SI: variants seen among roughly 807,000 people sequenced by gnomAD.
SI encodes sucrase-isomaltase, intestinal.
In SI, 235 loss-of-function variants were observed where a neutral mutation model predicts 253.3. The observed-to-expected ratio is 0.93, with a 90% CI of 0.83 to 1.03. SI has a LOEUF of 1.03. SI is among the 50% of genes least tolerant of loss of function. The pLI, the probability that SI is intolerant of heterozygous loss-of-function variation, is 0.00. For synonymous variants in SI, 819 were observed against 712.0 expected (o/e 1.15, Z -2.39); for missense variants, 2,442 against 2,211.1 (o/e 1.10, Z -2.09).
At chr3:165,086,794 G>T in the SI span, among the ~76,000 whole-genome samples, 8 of 152,304 alleles carry the variant, frequency 5.3e-5, no homozygotes, top group East Asian at 1.5e-3. Flanking sequence ...AGTGAGTAAG[G>T]AGTATGCCAC....
At chr3:165,073,144 A>G (rs1293110059) in intron 3 of SI, among the ~76,000 whole-genome samples, 1 of 151,556 alleles carries the variant, frequency 6.6e-6, no homozygotes, top group African/African-American at 2.4e-5. Flanking sequence ...TGTTCCTAAT[A>G]GAATTCTATG....
chr3:165,062,219 AC>A (rs2108253503), intron 9 of SI, 151 bp downstream of exon 9: 1 of 599,546 alleles, frequency 1.7e-6, no homozygotes, highest in East Asian at 2.9e-5. Flanking sequence ...GAAAAAAAAA[AC>A]ACCCAGCTGC....
chr3:165,059,151 G>C lies in SI; in HGVS notation c.1278+17C>G. On this transcript the variant is annotated intron_variant, in intron 11 of 47. Coordinates refer to ENST00000264382, the MANE Select transcript of SI (RefSeq NM_001041.4). ...GTGTAAACACTAAAAATGTATTAAG[G>C]TATAATTGATTATTACCAAGATGAT... 1 of 1,611,850 alleles carries C rather than the reference G, an allele frequency of 6.2e-7. No homozygotes were observed. The highest frequency in any genetic ancestry group is 8.5e-7 in the Non-Finnish European group (1 of 1,178,794).
At chr3:165,082,402 G>A (rs1366261010), upstream of SI, among the ~76,000 whole-genome samples, 1 of 151,870 alleles carries the variant, frequency 6.6e-6, no homozygotes, top group African/African-American at 2.4e-5. Flanking sequence ...TTTCTCTAAA[G>A]TAAAACCACC....
At chr3:164,985,045 A>AT (rs1717372307) in intron 45 of SI, among the ~76,000 whole-genome samples, 2 of 152,240 alleles carry the variant, frequency 1.3e-5, no homozygotes, top group Admixed American at 6.5e-5. Context: ...GCAAAAAACA[A>AT]TTTTTTATAC....
chr3:165,039,700 G>T (rs113651533), intron 19 of SI, among the ~76,000 whole-genome samples, 187 bp downstream of exon 19: 24 of 151,888 alleles, frequency 1.6e-4, no homozygotes, highest in Admixed American at 3.9e-4. Flanking sequence ...CACATATTTG[G>T]TAAGCAATCT....
In SI at chr3:165,034,881, A is replaced by C. The variant is rs115928884; in HGVS notation, c.2516-1437T>G. ...TTACTCTACCTGCTGGATTGTAATAAAATTTTAAAAGGGGTTAAAAAGAGC... is the reference window on the plus strand; with the variant it reads ...TTACTCTACCTGCTGGATTGTAATACAATTTTAAAAGGGGTTAAAAAGAGC... On this transcript the variant is annotated intron_variant, in intron 22 of 47. Coordinates refer to ENST00000264382, the MANE Select transcript of SI (RefSeq NM_001041.4). 4.5e-3 allele frequency among the ~76,000 whole-genome samples: 689 copies of C among 152,160 alleles called. 6 individuals carry two copies. Among genetic ancestry groups the C allele is most frequent in the African/African-American group, 0.015 (633 of 41,562 alleles).
chr3:165,072,389 T>G (rs1037211492), intron 3 of SI, among the ~76,000 whole-genome samples: 2 of 151,946 alleles, frequency 1.3e-5, no homozygotes, highest in African/African-American at 4.8e-5. Flanking sequence ...ATGAAAAGTA[T>G]TATTAAAGAT....
chr3:164,986,730 GA>G (rs1452862882), intron 45 of SI, among the ~76,000 whole-genome samples: 70 of 152,260 alleles, frequency 4.6e-4, no homozygotes, highest in African/African-American at 1.6e-3. Context: ...GATAAATGAG[GA>G]AAAGTGTCAC....
At chr3:165,015,769 C>A (rs1008082787) in intron 32 of SI, among the ~76,000 whole-genome samples, 183 bp downstream of exon 32, 2 of 151,954 alleles carry the variant, frequency 1.3e-5, no homozygotes, top group Non-Finnish European at 2.9e-5. Context: ...TACCTAAATA[C>A]AAAGGTAGCT....
At position 165,068,214 on chromosome 3, in the gene SI, A is replaced by G. The variant is rs112848625; in HGVS notation, c.483+508T>C. Among the ~76,000 whole-genome samples, 376 of 152,286 alleles carry G rather than the reference A, an allele frequency of 2.5e-3. 1 individual carries two copies. Among genetic ancestry groups the G allele is most frequent in the South Asian group, 8.1e-3 (39 of 4,830 alleles). On this transcript the variant is annotated intron_variant, in intron 5 of 47. Coordinates refer to ENST00000264382, the MANE Select transcript of SI (RefSeq NM_001041.4). ...TAGTTTAAATAATAAAAATTTTCAA[A>G]TGTTTCTTGAGAATGTTTATTTTCT...
the SI span, among the ~76,000 whole-genome samples, chr3:165,089,709 G>A: frequency 6.6e-6 from 1 of 152,074 alleles, no homozygotes. Context: ...ATGAGGCTGG[G>A]ACTGTGGTCT....
intron 6 of SI, 40 bp from the exon 7 acceptor site, chr3:165,065,472 TA>T: frequency 1.1e-5 from 3 of 274,240 alleles, no homozygotes; most frequent in South Asian, 4.7e-5. Flanking sequence ...CTAATATATA[TA>T]TATATATATA....
chr3:164,992,350 C>A lies in SI; in HGVS notation c.4889G>T (p.Trp1630Leu). ...TGGGGTAACCATAAATGCTGGACCC[C>A]ATAAGAACTGCTTGAATATATCCCA... Reference protein sequence around the residue: ...PTWDIFKQFLWGPAFMVTPVL... With the variant: ...PTWDIFKQFLLGPAFMVTPVL... The change falls in exon 42 of 48, where the codon TGG becomes TTG. Residue 1630 changes from tryptophan (W) to leucine (L), a missense_variant. Trp to Leu is a moderately conservative substitution (Grantham distance 61). Transcript: ENST00000264382. The A allele has an allele frequency of 6.2e-7, 1 of 1,613,212 alleles. No homozygotes were observed.
At chr3:164,994,122 A>C (rs945022644) in intron 41 of SI, 135 bp downstream of exon 41, 6 of 725,478 alleles carry the variant, frequency 8.3e-6, no homozygotes. Flanking sequence ...TGCTTTATTA[A>C]TAAAAAATGT....
At chr3:165,079,743 T>C (rs1163184041), upstream of SI, among the ~76,000 whole-genome samples, 1 of 151,742 alleles carries the variant, frequency 6.6e-6, no homozygotes, top group Non-Finnish European at 1.5e-5. Context: ...AGGTCAATCA[T>C]GATCCTACCT....
In SI at chr3:165,059,277, T is replaced by C. The variant is rs1481268075; in HGVS notation, c.1169A>G (p.Asp390Gly). 12 of 1,612,460 alleles carry C rather than the reference T, an allele frequency of 7.4e-6. No homozygotes were observed. Among genetic ancestry groups the C allele is most frequent in the Non-Finnish European group, 1.0e-5 (12 of 1,178,998 alleles). The change falls in exon 11 of 48, where the codon GAC becomes GGC. Residue 390 changes from aspartate to glycine, a missense_variant. Transcript: ENST00000264382. Reference protein sequence around the residue: ...IPFDTQVTDIDYMEDKKDFTY... With the variant: ...IPFDTQVTDIGYMEDKKDFTY... ...AAAGTCTTTCTTGTCTTCCATGTAG[T>C]CAATATCAGTGACCTGTGTATCCTG...
intron 2 of SI, among the ~76,000 whole-genome samples, chr3:165,075,362 T>C (rs1341004837): frequency 6.6e-6 from 1 of 152,000 alleles, no homozygotes; most frequent in Non-Finnish European, 1.5e-5. Context: ...AGATTCAGCA[T>C]TCCGTATGTA....
At position 164,998,542 on chromosome 3, in the gene SI, A is replaced by T. The variant is rs1219075046; in HGVS notation, c.4538T>A (p.Ile1513Asn). 3.1e-6 allele frequency: 5 copies of T among 1,611,818 alleles called. No individual in the cohort carries two copies. Among genetic ancestry groups the T allele is most frequent in the Non-Finnish European group, 4.2e-6 (5 of 1,178,528 alleles). The change falls in exon 38 of 48, where the codon ATT becomes AAT. Residue 1513 changes from isoleucine (I) to asparagine (N), a missense_variant and splice_region_variant. Coordinates refer to ENST00000264382, the MANE Select transcript of SI (RefSeq NM_001041.4). ...ARWDNMDKSI[I>N]GMMEFSLFGM... Reference sequence around the variant, plus strand: ...TAAAGATGGTGACTTTCACTTACCAATGATTGATTTGTCCATGTTGTCCCA... The same window carrying T: ...TAAAGATGGTGACTTTCACTTACCATTGATTGATTTGTCCATGTTGTCCCA...
Sources: gnomAD v4.1 joint callset for allele counts (sites outside exome capture counted in the v4.1 genomes callset) on GRCh38, gnomAD v4.1.1 for gene constraint, MANE v1.5 for transcripts, NCBI Gene and HGNC (gene_info 2026-07-23, HGNC 2026-07-21) for gene names.